FCHSD2: variants seen among roughly 807,000 people sequenced by gnomAD.
FCHSD2 encodes FCH and double SH3 domains 2.
In FCHSD2, 38 loss-of-function variants were observed where a neutral mutation model predicts 108.1. The observed-to-expected ratio is 0.35, with a 90% CI of 0.27 to 0.46. The LOEUF (loss-of-function observed/expected upper bound fraction) is 0.46, where lower values mean the gene tolerates loss of function less well. Ranked by LOEUF, FCHSD2 falls within the 20% of genes least tolerant of loss-of-function variation. FCHSD2 has a pLI of 1.00. For synonymous variants in FCHSD2, 279 were observed against 314.7 expected (o/e 0.89, Z 1.20); for missense variants, 751 against 897.8 (o/e 0.84, Z 2.09).
At chr11:72,846,081 TAGATAGATAGATA>T (rs752731694) in intron 14 of FCHSD2, among the ~76,000 whole-genome samples, 6,989 of 13,914 alleles carry the variant, frequency 0.5, 362 homozygotes, top group African/African-American at 0.51. Context: ...GATAGATAGA[TAGATAGATAGATA>T]AGTAGTTACG....
intron 13 of FCHSD2, among the ~76,000 whole-genome samples, chr11:72,856,447 T>C (rs1413626025): frequency 1.3e-5 from 2 of 152,222 alleles, no homozygotes; most frequent in African/African-American, 2.4e-5. Context: ...TAGCACTGTA[T>C]ACATGTATCA....
chr11:72,885,105 ACT>A (rs557658681), intron 12 of FCHSD2, among the ~76,000 whole-genome samples: 139 of 152,210 alleles, frequency 9.1e-4, no homozygotes, highest in Non-Finnish European at 1.6e-3. Context: ...TCCTTTGAAG[ACT>A]CTCATGGTCT....
chr11:73,058,296 GA>G (rs1859078308), intron 3 of FCHSD2, among the ~76,000 whole-genome samples: 1 of 152,162 alleles, frequency 6.6e-6, no homozygotes, highest in African/African-American at 2.4e-5. Flanking sequence ...AGAGAGCTAT[GA>G]AAATCAGACA....
At chr11:73,042,921 T>A (rs529313012) in intron 3 of FCHSD2, among the ~76,000 whole-genome samples, 1 of 152,342 alleles carries the variant, frequency 6.6e-6, no homozygotes, top group Middle Eastern at 3.4e-3. Flanking sequence ...GCAATTCTAC[T>A]GAATTCATTT....
chr11:73,120,072 T>A (rs1480051602), intron 2 of FCHSD2, among the ~76,000 whole-genome samples: 1 of 151,926 alleles, frequency 6.6e-6, no homozygotes, highest in Non-Finnish European at 1.5e-5. Flanking sequence ...GATAAAACCA[T>A]CAGATCTCAT....
chr11:72,973,893 G>T (rs897993213), intron 8 of FCHSD2, among the ~76,000 whole-genome samples: 5 of 152,134 alleles, frequency 3.3e-5, no homozygotes, highest in Admixed American at 6.5e-5. Context: ...CCACAACACA[G>T]AAGCCTATTT....
intron 12 of FCHSD2, among the ~76,000 whole-genome samples, chr11:72,874,214 G>A (rs1490411280): frequency 6.6e-6 from 1 of 152,092 alleles, no homozygotes; most frequent in African/African-American, 2.4e-5. Context: ...TAAGAGACAG[G>A]GTCTCACTGT....
Position 73,029,120 on chromosome 11 carries a change from C to T in FCHSD2, c.166-13235G>A, listed in dbSNP as rs546610095. On this transcript the variant is annotated intron_variant, in intron 3 of 19. Transcript: ENST00000409418. The stretch of plus-strand genomic sequence containing the variant: ...ATATAATGGTGTAGTACACTAAAAA[C>T]GATAAAATGCCATTGAAAACCTTTT... Among the ~76,000 whole-genome samples, 8 of 152,164 alleles carry T rather than the reference C, an allele frequency of 5.3e-5. No individual in the cohort carries two copies. In the East Asian group the frequency reaches 5.8e-4, roughly 11 times the overall value.
At chr11:73,061,635 G>A (rs1288352613) in intron 3 of FCHSD2, among the ~76,000 whole-genome samples, 3 of 152,140 alleles carry the variant, frequency 2.0e-5, no homozygotes, top group Admixed American at 2.0e-4. Flanking sequence ...GGGGAGAGAC[G>A]TCCGCCATTG....
Position 72,965,006 on chromosome 11 carries a change from G to A in FCHSD2, c.705+19082C>T, listed in dbSNP as rs964261558. ...GGGTTTCACTGTGTTAGCCAGGATG[G>A]TCTCAATTTCCCAACCTCATGATCC... On this transcript the variant is annotated intron_variant, in intron 8 of 19. Transcript: ENST00000409418. Among the ~76,000 whole-genome samples, 23 of 152,066 alleles carry A rather than the reference G, an allele frequency of 1.5e-4. No homozygotes were observed. In the East Asian group the frequency reaches 2.5e-3, roughly 17 times the overall value.
rs71062793 is a variant in FCHSD2 at position 72,916,968 on chromosome 11, C to CTTTT, written c.828+4856_828+4859dup. ...GTTCACAACTTCATTGAACTTCATT[C>CTTTT]TTTTTTTTTTTTTTTTTTTTTTTTT... On this transcript the variant is annotated intron_variant, in intron 9 of 19. Coordinates refer to ENST00000409418, the MANE Select transcript of FCHSD2 (RefSeq NM_014824.3). 4.4e-4 allele frequency among the ~76,000 whole-genome samples: 52 copies of CTTTT among 118,754 alleles called. 1 individual carries two copies. The highest frequency in any genetic ancestry group is 1.5e-3 in the African/African-American group (47 of 30,614). The allele number at this position is 118,754 out of a possible 152,430, so 77.9% of individuals were successfully genotyped here.
intron 12 of FCHSD2, among the ~76,000 whole-genome samples, chr11:72,880,242 T>C (rs1046364666): frequency 2.0e-5 from 3 of 151,898 alleles, no homozygotes; most frequent in African/African-American, 7.3e-5. Flanking sequence ...TCAAAATCAA[T>C]GACATTCTTC....
chr11:73,008,738 G>A (rs1295996945), intron 4 of FCHSD2, among the ~76,000 whole-genome samples: 3 of 152,164 alleles, frequency 2.0e-5, no homozygotes, highest in African/African-American at 7.2e-5. Context: ...CAGTAGGCCT[G>A]TTTTACAAAG....
intron 2 of FCHSD2, among the ~76,000 whole-genome samples, chr11:73,096,738 C>T (rs942952116): frequency 6.6e-6 from 1 of 151,730 alleles, no homozygotes; most frequent in Non-Finnish European, 1.5e-5. Context: ...CATATGTGCC[C>T]TTTAACATGT....
intron 10 of FCHSD2, among the ~76,000 whole-genome samples, chr11:72,901,219 C>T (rs1855518722): frequency 6.6e-6 from 1 of 151,816 alleles, no homozygotes; most frequent in African/African-American, 2.4e-5. Context: ...TGGTGAGACC[C>T]CCCCATCTCT....
At chr11:73,035,512 G>A (rs1484845312) in intron 3 of FCHSD2, among the ~76,000 whole-genome samples, 1 of 151,982 alleles carries the variant, frequency 6.6e-6, no homozygotes, top group East Asian at 1.9e-4. Context: ...CAGAAATAAA[G>A]ATAGTTATAG....
intron 9 of FCHSD2, among the ~76,000 whole-genome samples, chr11:72,917,098 C>T (rs1855890073): frequency 6.6e-6 from 1 of 151,908 alleles, no homozygotes; most frequent in Non-Finnish European, 1.5e-5. Context: ...GATTCTCCTG[C>T]CTCAGCCTCC....
intron 3 of FCHSD2, among the ~76,000 whole-genome samples, chr11:73,030,020 TAACAAC>T (rs558759741): frequency 3.3e-5 from 5 of 152,042 alleles, no homozygotes; most frequent in South Asian, 2.1e-4. Context: ...GGCCAGTTTT[TAACAAC>T]AACAACAACA....
intron 3 of FCHSD2, among the ~76,000 whole-genome samples, chr11:73,053,700 G>A (rs866791759): frequency 4.6e-5 from 7 of 152,116 alleles, no homozygotes; most frequent in Non-Finnish European, 1.0e-4. Context: ...TACAGTATGG[G>A]CATTTAATAA....
Sources: gnomAD v4.1 joint callset for allele counts (sites outside exome capture counted in the v4.1 genomes callset) on GRCh38, gnomAD v4.1.1 for gene constraint, MANE v1.5 for transcripts, NCBI Gene and HGNC (gene_info 2026-07-23, HGNC 2026-07-21) for gene names.